The following C9orf85 variants were observed in gnomAD, a reference collection of about 807,000 sequenced individuals.
C9orf85 encodes the protein uncharacterized protein C9orf85.
C9orf85 carries 16 observed loss-of-function variants against 14.9 expected under a neutral mutation model. That is an observed-to-expected ratio of 1.08 (90% CI 0.73 to 1.63). C9orf85 has a LOEUF of 1.63. Ranked by LOEUF, C9orf85 falls within the 40% of genes most tolerant of loss-of-function variation. The pLI is 0.00. For missense variants in C9orf85, 172 were observed against 186.1 expected (o/e 0.92, Z 0.44); for synonymous variants, 45 against 56.8 (o/e 0.79, Z 0.93).
chr9:71,948,302 A>C (rs919344765), intron 2 of C9orf85, among the ~76,000 whole-genome samples: 1 of 152,144 alleles, frequency 6.6e-6, no homozygotes, highest in Non-Finnish European at 1.5e-5. Context: ...ACCTTTGTTT[A>C]TATCTACTAA....
chr9:71,963,697 A>G (rs1822595388), intron 2 of C9orf85, among the ~76,000 whole-genome samples: 1 of 152,160 alleles, frequency 6.6e-6, no homozygotes, highest in South Asian at 2.1e-4. Context: ...GCGGCTGCAG[A>G]GGGTGTACTG....
intron 1 of C9orf85, among the ~76,000 whole-genome samples, chr9:71,923,361 T>G (rs1437159899): frequency 6.6e-6 from 1 of 152,166 alleles, no homozygotes; most frequent in Admixed American, 6.5e-5. Context: ...TTCCGCCTCC[T>G]GGGTTCAAGT....
chr9:71,928,758 A>G (rs1467227236), intron 1 of C9orf85, among the ~76,000 whole-genome samples: 1 of 152,242 alleles, frequency 6.6e-6, no homozygotes, highest in East Asian at 1.9e-4. Flanking sequence ...GAAAAGAATT[A>G]TAGGACAAAT....
downstream of C9orf85, among the ~76,000 whole-genome samples, chr9:71,975,688 C>T (rs927668913): frequency 1.3e-5 from 2 of 151,678 alleles, no homozygotes; most frequent in Admixed American, 6.6e-5. Flanking sequence ...CAAAATTAAC[C>T]ACGCCTGGTG....
intron 1 of C9orf85, among the ~76,000 whole-genome samples, chr9:71,918,122 G>T (rs1420144566): frequency 6.6e-6 from 1 of 152,168 alleles, no homozygotes; most frequent in Non-Finnish European, 1.5e-5. Flanking sequence ...GGCAGAGGTT[G>T]CAGTGAGCTG....
chr9:71,972,729 A>C lies in C9orf85; in HGVS notation c.361A>C (p.Asn121His), dbSNP rs777582089. Reference sequence around the variant, plus strand: ...AACAGAAAAAATAGAACATACTGAAAATAATCTAAGTTCCAACCATAGAAG... The same window carrying C: ...AACAGAAAAAATAGAACATACTGAACATAATCTAAGTTCCAACCATAGAAG... ...KETEKIEHTE[N>H]NLSSNHRRSC... Residue 121 changes from asparagine (N) to histidine (H), a missense_variant, in exon 4 of 4, where the codon AAT becomes CAT. Transcript: ENST00000334731. 4 of 1,601,572 alleles carry C rather than the reference A, an allele frequency of 2.5e-6. No individual in the cohort carries two copies. The highest frequency in any genetic ancestry group is 3.4e-6 in the Non-Finnish European group (4 of 1,171,298).
rs778693257 is a variant in C9orf85, at chr9:71,972,860, T to C, written c.*18T>C. 2.1e-5 allele frequency: 33 copies of C among 1,587,746 alleles called. No individual in the cohort carries two copies. The highest frequency in any genetic ancestry group is 1.0e-4 in the Admixed American group (6 of 58,142). On this transcript the variant is annotated 3_prime_UTR_variant, in exon 4 of 4. Transcript: ENST00000334731. ...TGAATTAATATCACTGTATTAAAAG[T>C]CTGCCGGGCACAGTGGCTCACGCCT... is the stretch of plus-strand genomic sequence containing the variant.
At chr9:71,938,767 A>G (rs1828255614) in intron 1 of C9orf85, among the ~76,000 whole-genome samples, 1 of 151,732 alleles carries the variant, frequency 6.6e-6, no homozygotes, top group African/African-American at 2.4e-5. Flanking sequence ...GAGAATTTAC[A>G]TGTTTATTAG....
chr9:71,947,218 G>A (rs1822121154), intron 2 of C9orf85, 106 bp downstream of exon 2: 1 of 753,162 alleles, frequency 1.3e-6, no homozygotes. Context: ...TAAAGTAAAT[G>A]ATGAAAAAAT....
At chr9:71,943,573 G>A (rs540714403) in intron 1 of C9orf85, among the ~76,000 whole-genome samples, 4 of 150,344 alleles carry the variant, frequency 2.7e-5, no homozygotes, top group Admixed American at 1.3e-4. Context: ...AAGGAGTTTC[G>A]CTCTTGTTGC....
At position 71,945,855 on chromosome 9, in the gene C9orf85, CCAA is replaced by C. The variant is rs561886161; in HGVS notation, c.103-1147_103-1145del. Among the ~76,000 whole-genome samples the C allele has an allele frequency of 2.7e-4, 41 of 149,708 alleles. No homozygotes were observed. The South Asian group carries it at 8.4e-3, about 31-fold the overall frequency. ...TTTTAAATGTCTTCTGCTCATTATT[CCAA>C]CAATAGGCAAAGACCAAGCTTTCAC... On this transcript the variant is annotated intron_variant, in intron 1 of 3. Coordinates refer to ENST00000334731, the MANE Select transcript of C9orf85 (RefSeq NM_182505.5).
At chr9:71,982,050 C>T (rs576368867) in intron 3 of C9orf85, among the ~76,000 whole-genome samples, 26 of 152,212 alleles carry the variant, frequency 1.7e-4, no homozygotes, top group Admixed American at 1.1e-3. Flanking sequence ...CATTTGTAGC[C>T]ACTCCCCATT....
downstream of C9orf85, among the ~76,000 whole-genome samples, chr9:71,975,661 C>G (rs868834152): frequency 1.3e-5 from 2 of 152,106 alleles, no homozygotes; most frequent in Middle Eastern, 6.8e-3. Context: ...AGAGAAACCC[C>G]ATCTCTACTA....
intron 2 of C9orf85, among the ~76,000 whole-genome samples, chr9:71,970,208 A>G (rs1276343007): frequency 1.3e-5 from 2 of 152,150 alleles, no homozygotes; most frequent in African/African-American, 4.8e-5. Context: ...TCGCCCTCCC[A>G]AAGTGCTGGG....
intron 1 of C9orf85, among the ~76,000 whole-genome samples, chr9:71,916,165 A>G (rs1375619446): frequency 2.0e-5 from 3 of 152,188 alleles, no homozygotes; most frequent in Non-Finnish European, 2.9e-5. Flanking sequence ...GAGTATCTAT[A>G]ATAGCATGAA....
chr9:71,966,800 T>C (rs1195230697), intron 2 of C9orf85, among the ~76,000 whole-genome samples: 1 of 152,188 alleles, frequency 6.6e-6, no homozygotes, highest in African/African-American at 2.4e-5. Context: ...ACCTCACAGG[T>C]GGTAGCCCCA....
At chr9:71,958,353 C>T (rs1021450714) in intron 2 of C9orf85, among the ~76,000 whole-genome samples, 21 of 151,172 alleles carry the variant, frequency 1.4e-4, no homozygotes, top group African/African-American at 5.1e-4. Flanking sequence ...ACCTCTGCCT[C>T]CCGGGTTCAA....
chr9:71,967,248 A>C (rs1822719289), intron 2 of C9orf85, among the ~76,000 whole-genome samples: 1 of 152,182 alleles, frequency 6.6e-6, no homozygotes, highest in Non-Finnish European at 1.5e-5. Context: ...AGGGATAGTC[A>C]GTTTTTCCAA....
At chr9:71,961,608 C>T (rs1002446334) in intron 2 of C9orf85, among the ~76,000 whole-genome samples, 4 of 152,088 alleles carry the variant, frequency 2.6e-5, no homozygotes, top group Admixed American at 2.6e-4. Context: ...TTAAAATGTT[C>T]TAGAGTGGAG....
Sources: allele counts gnomAD v4.1 joint callset (sites outside exome capture counted in the v4.1 genomes callset), GRCh38; gene constraint gnomAD v4.1.1; transcripts MANE v1.5; gene names NCBI Gene and HGNC (gene_info 2026-07-23, HGNC 2026-07-21).